TAF12: variants seen among roughly 807,000 people sequenced by gnomAD.
TAF12 encodes transcription initiation factor TFIID subunit 12.
TAF12 carries 3 observed loss-of-function variants against 20.8 expected under a neutral mutation model. That is an observed-to-expected ratio of 0.14 (90% CI 0.07 to 0.37). TAF12 has a LOEUF of 0.37. TAF12 is among the 10% of genes least tolerant of loss of function. The pLI, the probability that TAF12 is intolerant of heterozygous loss-of-function variation, is 1.00. For synonymous variants in TAF12, 69 were observed against 70.2 expected (o/e 0.98, Z 0.09); for missense variants, 131 against 197.9 (o/e 0.66, Z 2.03).
At position 28,639,442 on chromosome 1, in the gene TAF12, G is replaced by A. The variant is rs992718252; in HGVS notation, c.-85+3550C>T. ...TCCGTCTCACAAAAAAAAAAAAAAAGGTAATATGTCCTTTTGTCCTTTGTT... is the reference window on the plus strand; with the variant it reads ...TCCGTCTCACAAAAAAAAAAAAAAAAGTAATATGTCCTTTTGTCCTTTGTT... On this transcript the variant is annotated intron_variant, in intron 1 of 5. Coordinates refer to ENST00000373824, the MANE Select transcript of TAF12 (RefSeq NM_005644.4). Among the ~76,000 whole-genome samples the A allele has an allele frequency of 5.5e-4, 48 of 87,742 alleles. 1 individual carries two copies. The highest frequency in any genetic ancestry group is 9.1e-4 in the Non-Finnish European group (38 of 41,756). The allele number at this position is 87,742 out of a possible 152,430, so 57.6% of individuals were successfully genotyped here. A position where few individuals can be genotyped will look rare whatever the true frequency, so the allele number is the denominator to read the frequency against.
rs188710089 is a variant in TAF12, at chr1:28,634,952, C to T, written c.-85+8040G>A. On this transcript the variant is annotated intron_variant, in intron 1 of 5. Coordinates refer to ENST00000373824, the MANE Select transcript of TAF12 (RefSeq NM_005644.4). ...CTAAAAAATAAATAAGTAGGCCAGG[C>T]ATGGTGGCTCATGCCTGTAATCCCA... Among the ~76,000 whole-genome samples the T allele has an allele frequency of 3.0e-4, 43 of 142,388 alleles. No homozygotes were observed. In the East Asian group the frequency reaches 6.5e-3, roughly 22 times the overall value. The allele number at this position is 142,388 out of a possible 152,430, so 93.4% of individuals were successfully genotyped here. A position where few individuals can be genotyped will look rare whatever the true frequency, so the allele number is the denominator to read the frequency against.
chr1:28,615,759 G>A (rs957770566), intron 3 of TAF12, among the ~76,000 whole-genome samples: 14 of 148,292 alleles, frequency 9.4e-5, no homozygotes, highest in African/African-American at 1.5e-4. Context: ...AATTTTCTCC[G>A]GAGATATTGA....
chr1:28,640,148 T>C (rs1007049078), intron 1 of TAF12, among the ~76,000 whole-genome samples: 2 of 152,260 alleles, frequency 1.3e-5, no homozygotes, highest in Non-Finnish European at 1.5e-5. Context: ...CAGTCCAAAT[T>C]AGTCTTTCTT....
chr1:28,644,691 G>A (rs1405744846), upstream of TAF12, among the ~76,000 whole-genome samples: 1 of 152,220 alleles, frequency 6.6e-6, no homozygotes, highest in African/African-American at 2.4e-5. Context: ...CTGGCTGATG[G>A]CCTGAGCCAT....
intron 3 of TAF12, among the ~76,000 whole-genome samples, chr1:28,614,510 C>T (rs1219067357): frequency 3.3e-5 from 5 of 151,814 alleles, no homozygotes; most frequent in Non-Finnish European, 7.4e-5. Context: ...ATGGTAAAAC[C>T]CTGCCTCTAC....
rs372917797 is a variant in TAF12, at chr1:28,634,607, C to T, written c.-85+8385G>A. On this transcript the variant is annotated intron_variant, in intron 1 of 5. Transcript: ENST00000373824. ...AATATTTAGTAATTCTATCAAAACA[C>T]GATTGTATGGGTTAGAGTTCAATTT... Among the ~76,000 whole-genome samples the T allele has an allele frequency of 9.2e-5, 14 of 151,920 alleles. No individual in the cohort carries two copies. The South Asian group carries it at 2.9e-3, about 32-fold the overall frequency.
chr1:28,641,610 A>T (rs945251358), intron 1 of TAF12, among the ~76,000 whole-genome samples: 1 of 152,104 alleles, frequency 6.6e-6, no homozygotes, highest in Non-Finnish European at 1.5e-5. Flanking sequence ...CCTGGGCAAT[A>T]TAGTGAGACC....
At chr1:28,604,448 C>G (rs554780731) in intron 5 of TAF12, among the ~76,000 whole-genome samples, 1 of 152,222 alleles carries the variant, frequency 6.6e-6, no homozygotes, top group Admixed American at 6.5e-5. Context: ...GCCAAATTAA[C>G]AACTTACTTT....
chr1:28,642,705 G>T, intron 1 of TAF12: 3 of 985,140 alleles, frequency 3.0e-6, no homozygotes, highest in Non-Finnish European at 3.6e-6. Flanking sequence ...CCCTTTCCTC[G>T]TAGGAGTGCG....
chr1:28,618,916 T>TCA (rs1667123190), intron 2 of TAF12, among the ~76,000 whole-genome samples: 2 of 152,140 alleles, frequency 1.3e-5, no homozygotes, highest in South Asian at 4.1e-4. Flanking sequence ...GGCACAGTGA[T>TCA]CTGTGCCTGT....
intron 1 of TAF12, among the ~76,000 whole-genome samples, chr1:28,628,235 GGGGGGGGC>G (rs1667495380): frequency 1.2e-5 from 1 of 80,058 alleles, no homozygotes; most frequent in Non-Finnish European, 2.7e-5. Flanking sequence ...GGGTGGGGGG[GGGGGGGGC>G]GCCTGTAATC....
intron 4 of TAF12, among the ~76,000 whole-genome samples, chr1:28,607,866 A>G (rs1473571246): frequency 6.6e-6 from 1 of 151,344 alleles, no homozygotes; most frequent in African/African-American, 2.4e-5. Flanking sequence ...GCCAGGCACG[A>G]TGATTCACAC....
exon 1 of TAF12, chr1:28,648,218 C>G: frequency 1.0e-6 from 1 of 985,316 alleles, no homozygotes; most frequent in Non-Finnish European, 1.2e-6. Flanking sequence ...CGCTGAGAGC[C>G]GGTATTCCAA....
intron 1 of TAF12, among the ~76,000 whole-genome samples, chr1:28,631,353 G>A (rs1194723609): frequency 2.0e-5 from 3 of 151,664 alleles, no homozygotes; most frequent in South Asian, 2.1e-4. Flanking sequence ...GTGAAGCCCC[G>A]TCTCTACTAA....
At chr1:28,646,680 C>T (rs1450605347), upstream of TAF12, among the ~76,000 whole-genome samples, 1 of 151,270 alleles carries the variant, frequency 6.6e-6, no homozygotes, top group African/African-American at 2.4e-5. Context: ...CAGGCACCTG[C>T]CACCACACTC....
intron 1 of TAF12, among the ~76,000 whole-genome samples, chr1:28,626,228 C>T (rs1185095814): frequency 3.3e-5 from 5 of 151,158 alleles, no homozygotes; most frequent in Non-Finnish European, 5.9e-5. Context: ...CCACCCGCCT[C>T]GGGCCTCCCA....
intron 1 of TAF12, among the ~76,000 whole-genome samples, chr1:28,627,463 G>A (rs2124354223): frequency 6.6e-6 from 1 of 151,338 alleles, no homozygotes. Context: ...GGAGGCTGAG[G>A]CGGGCGGATC....
At chr1:28,645,861 A>G (rs1051554891), upstream of TAF12, among the ~76,000 whole-genome samples, 4 of 151,906 alleles carry the variant, frequency 2.6e-5, no homozygotes, top group Non-Finnish European at 4.4e-5. Context: ...CAAGCTACTC[A>G]GGAGGCTGAG....
chr1:28,632,130 T>C (rs1048939855), intron 1 of TAF12, among the ~76,000 whole-genome samples: 5 of 152,146 alleles, frequency 3.3e-5, no homozygotes, highest in African/African-American at 9.7e-5. Flanking sequence ...ATCCATTCAA[T>C]GGAATACTCA....
Sources: allele counts gnomAD v4.1 joint callset (sites outside exome capture counted in the v4.1 genomes callset), GRCh38; gene constraint gnomAD v4.1.1; transcripts MANE v1.5; gene names NCBI Gene and HGNC (gene_info 2026-07-23, HGNC 2026-07-21).